SPTBN1: variants seen among roughly 807,000 people sequenced by gnomAD.
SPTBN1 encodes spectrin beta chain, non-erythrocytic 1.
In SPTBN1, 32 loss-of-function variants were observed where a neutral mutation model predicts 266.4. The ratio of observed to expected loss-of-function variants is 0.12; its 90% CI spans 0.09 to 0.16. The LOEUF (loss-of-function observed/expected upper bound fraction) is 0.16, where lower values mean the gene tolerates loss of function less well. Among genes scored for constraint, SPTBN1 ranks in the 10% least tolerant of loss-of-function variants. The pLI is 1.00. For synonymous variants in SPTBN1, 1,336 were observed against 1,162.2 expected (o/e 1.15, Z -3.04); for missense variants, 2,296 against 3,067.1 (o/e 0.75, Z 5.94).
rs13033965 is a variant in SPTBN1, at chr2:54,521,468, A to G, written c.-47-4904A>G. On this transcript the variant is annotated intron_variant, in intron 1 of 35. Transcript: ENST00000356805. ...ATTGAAGAAAAAAGATGTCTCTACCATCAAATTCTGGACACTTGAGTGAAA... is the reference window on the plus strand; with the variant it reads ...ATTGAAGAAAAAAGATGTCTCTACCGTCAAATTCTGGACACTTGAGTGAAA... Among the ~76,000 whole-genome samples, 783 of 152,366 alleles carry G rather than the reference A, an allele frequency of 5.1e-3. 6 individuals carry two copies. The highest frequency in any genetic ancestry group is 8.1e-3 in the Non-Finnish European group (552 of 68,034).
At position 54,524,381 on chromosome 2, in the gene SPTBN1, C is replaced by G. The variant is rs142354069; in HGVS notation, c.-47-1991C>G. On this transcript the variant is annotated intron_variant, in intron 1 of 35. Coordinates refer to ENST00000356805, the MANE Select transcript of SPTBN1 (RefSeq NM_003128.3). Reference sequence around the variant, plus strand: ...AAATTTAAAATATGCGGGAATTTAACCACATTTAACCACACCCATAGGCAT... The same window carrying G: ...AAATTTAAAATATGCGGGAATTTAAGCACATTTAACCACACCCATAGGCAT... Among the ~76,000 whole-genome samples, 3 of 152,192 alleles carry G rather than the reference C, an allele frequency of 2.0e-5. No homozygotes were observed. In the East Asian group the frequency reaches 5.8e-4, roughly 29 times the overall value.
chr2:54,551,326 ACT>A lies in SPTBN1; in HGVS notation c.148+24763_148+24764del, dbSNP rs1350851276. 4.0e-5 allele frequency among the ~76,000 whole-genome samples: 6 copies of A among 151,712 alleles called. No individual in the cohort carries two copies. The East Asian group carries it at 1.2e-3, about 29-fold the overall frequency. On this transcript the variant is annotated intron_variant, in intron 2 of 35. Coordinates refer to ENST00000356805, the MANE Select transcript of SPTBN1 (RefSeq NM_003128.3). ...CTCAGATGTTCTTTTCCTTTTAACC[ACT>A]CTACCTGCAACAGAGGAGCCCAGCC... is the stretch of plus-strand genomic sequence containing the variant.
At chr2:54,627,041 T>C (rs1367640541) in intron 12 of SPTBN1, among the ~76,000 whole-genome samples, 1 of 149,106 alleles carries the variant, frequency 6.7e-6, no homozygotes, top group African/African-American at 2.4e-5. Context: ...GACAGTCCCA[T>C]GAAGCTTCCT....
At chr2:54,575,318 T>C (rs1167375480) in intron 2 of SPTBN1, among the ~76,000 whole-genome samples, 2 of 152,224 alleles carry the variant, frequency 1.3e-5, no homozygotes, top group African/African-American at 2.4e-5. Context: ...TTTATTTTCT[T>C]TTCTGCAACT....
chr2:54,517,362 T>C (rs1670165464), intron 1 of SPTBN1, among the ~76,000 whole-genome samples: 1 of 150,796 alleles, frequency 6.6e-6, no homozygotes, highest in African/African-American at 2.5e-5. Context: ...TACAACAATA[T>C]TTCATAATAT....
intron 2 of SPTBN1, among the ~76,000 whole-genome samples, chr2:54,549,798 G>C (rs1672461109): frequency 6.6e-6 from 1 of 152,216 alleles, no homozygotes; most frequent in East Asian, 1.9e-4. Flanking sequence ...GGGACTAAAA[G>C]GTGAGGGGAG....
In SPTBN1 at chr2:54,558,230, G is replaced by C. The variant is rs1673009589; in HGVS notation, c.148+31664G>C. 3 of 985,350 alleles carry C rather than the reference G, an allele frequency of 3.0e-6. No homozygotes were observed. In the South Asian group the frequency reaches 1.4e-4, roughly 46 times the overall value. The allele number at this position is 985,350 out of a possible 1,614,324, so 61.0% of individuals were successfully genotyped here. ...GACCGCGGACCGTGCGGGACCGGTA[G>C]GGGGTCGCGGGCCGGCTAGGCTCCC... On this transcript the variant is annotated intron_variant, in intron 2 of 35. Transcript: ENST00000356805. This position sits in a 1 kb window ranked among gnomAD's most constrained non-coding sequence, Gnocchi z 4.6.
rs947780657 is a variant in SPTBN1, at chr2:54,601,940, C to T, written c.300+2697C>T. On this transcript the variant is annotated intron_variant, in intron 3 of 35. Coordinates refer to ENST00000356805, the MANE Select transcript of SPTBN1 (RefSeq NM_003128.3). Reference sequence around the variant, plus strand: ...TAAATATGAGCAAGTATCATGTAGGCATTTGGGAACTTGATTTTGAACTAC... The same window carrying T: ...TAAATATGAGCAAGTATCATGTAGGTATTTGGGAACTTGATTTTGAACTAC... 5.9e-5 allele frequency among the ~76,000 whole-genome samples: 9 copies of T among 152,058 alleles called. 1 individual carries two copies. The highest frequency in any genetic ancestry group is 1.3e-4 in the Admixed American group (2 of 15,260).
At chr2:54,598,341 A>ACATTGAATC (rs1276704971) in intron 2 of SPTBN1, among the ~76,000 whole-genome samples, 1 of 152,220 alleles carries the variant, frequency 6.6e-6, no homozygotes, top group African/African-American at 2.4e-5. Context: ...ATAGAAGAGA[A>ACATTGAATC]CATTGAATCC....
rs757944145 is a variant in SPTBN1 at position 54,659,978 on chromosome 2, A to G, written c.6399A>G (p.Pro2133=). The G allele has an allele frequency of 6.2e-7, 1 of 1,614,186 alleles. No individual in the cohort carries two copies. Among genetic ancestry groups the G allele is most frequent in the Non-Finnish European group, 8.5e-7 (1 of 1,180,028 alleles). ...AACAAGTTTCCCAAAACGGTTTGCCAGCTGAACAGGGATCTCCACGGGTTA... is the reference window on the plus strand; with the variant it reads ...AACAAGTTTCCCAAAACGGTTTGCCGGCTGAACAGGGATCTCCACGGGTTA... ...KGEQVSQNGL[P]AEQGSPRMAE... Residue 2133 remains proline (P), a synonymous_variant, in exon 32 of 36, where the codon CCA becomes CCG. Transcript: ENST00000356805.
intron 2 of SPTBN1, among the ~76,000 whole-genome samples, chr2:54,585,508 A>T (rs953078894): frequency 1.3e-5 from 2 of 152,250 alleles, no homozygotes; most frequent in Admixed American, 1.3e-4. Flanking sequence ...TTTGAAAGAA[A>T]TCTTGTATAA....
intron 2 of SPTBN1, among the ~76,000 whole-genome samples, chr2:54,559,046 C>T (rs928551208): frequency 1.3e-5 from 2 of 152,222 alleles, no homozygotes; most frequent in Admixed American, 6.5e-5. Context: ...AAGGCAGTTG[C>T]TCATACTCCA....
intron 1 of SPTBN1, among the ~76,000 whole-genome samples, chr2:54,520,658 C>T (rs1203580919): frequency 3.5e-5 from 5 of 143,238 alleles, no homozygotes; most frequent in Admixed American, 2.1e-4. Context: ...CTACCCCATG[C>T]CACCCCACCC....
intron 2 of SPTBN1, among the ~76,000 whole-genome samples, chr2:54,586,790 G>A (rs973685962): frequency 1.3e-5 from 2 of 152,118 alleles, no homozygotes; most frequent in East Asian, 1.9e-4. Context: ...GAGAGCTGTC[G>A]GAAACTGTCA....
intron 2 of SPTBN1, among the ~76,000 whole-genome samples, chr2:54,582,487 C>T (rs867691946): frequency 1.3e-5 from 2 of 151,360 alleles, no homozygotes; most frequent in South Asian, 4.2e-4. Context: ...TGGCGTGAAT[C>T]CAGGAGGCGG....
At chr2:54,512,319 T>C (rs1384929895) in intron 1 of SPTBN1, among the ~76,000 whole-genome samples, 3 of 152,236 alleles carry the variant, frequency 2.0e-5, no homozygotes, top group Non-Finnish European at 4.4e-5. Context: ...TCATTTTGTT[T>C]ATTTGAAAGG....
At position 54,646,900 on chromosome 2, in the gene SPTBN1, G is replaced by C. The variant is rs1012759681; in HGVS notation, c.4867-231G>C. The stretch of plus-strand genomic sequence containing the variant: ...CTGCCCAAGCTTTTCTCTGAGAGGG[G>C]CCCTGCTCATTCTGCGTTCTCCTTG... On this transcript the variant is annotated intron_variant, in intron 23 of 35. Transcript: ENST00000356805. This position sits in a 1 kb window ranked among gnomAD's most constrained non-coding sequence, Gnocchi z 4.4. Among the ~76,000 whole-genome samples the C allele has an allele frequency of 1.3e-5, 2 of 152,156 alleles. No individual in the cohort carries two copies. The highest frequency in any genetic ancestry group is 2.9e-5 in the Non-Finnish European group (2 of 68,032).
chr2:54,597,637 C>A lies in SPTBN1; in HGVS notation c.149-1455C>A, dbSNP rs377071052. On this transcript the variant is annotated intron_variant, in intron 2 of 35. Transcript: ENST00000356805. ...AGGTCGGCAGCTGTAAAACCTCAAC[C>A]AATGTCATCTCTGCCTCATTCCCTC... 1.2e-3 allele frequency among the ~76,000 whole-genome samples: 180 copies of A among 152,278 alleles called. 1 individual carries two copies. The highest frequency in any genetic ancestry group is 0.01 in the Middle Eastern group (3 of 294).
intron 1 of SPTBN1, among the ~76,000 whole-genome samples, chr2:54,474,791 T>G (rs909528187): frequency 3.6e-4 from 55 of 152,302 alleles, no homozygotes; most frequent in African/African-American, 1.3e-3. Context: ...TGATTTTTGC[T>G]TTTGTCTCAG....
Sources: allele counts gnomAD v4.1 joint callset (sites outside exome capture counted in the v4.1 genomes callset), GRCh38; gene constraint gnomAD v4.1.1; non-coding constraint Gnocchi (gnomAD v3.1); transcripts MANE v1.5; gene names NCBI Gene and HGNC (gene_info 2026-07-23, HGNC 2026-07-21).